ZFP82: variants seen among roughly 807,000 people sequenced by gnomAD.
ZFP82 encodes zinc finger protein 82 homolog.
ZFP82 carries 30 observed loss-of-function variants against 54.0 expected under a neutral mutation model. The ratio of observed to expected loss-of-function variants is 0.56; its 90% confidence interval spans 0.42 to 0.75. The LOEUF (loss-of-function observed/expected upper bound fraction) is 0.75, where lower values mean the gene tolerates loss of function less well. Ranked by LOEUF, ZFP82 falls within the 30% of genes least tolerant of loss-of-function variation. ZFP82 has a pLI of 0.00. For missense variants in ZFP82, 500 were observed against 636.8 expected, an observed-to-expected ratio of 0.79 and a Z score of 2.31; for synonymous variants, 194 against 209.5, an observed-to-expected ratio of 0.93 and a Z score of 0.64.
chr19:36,401,330 C>A (rs1189936645), intron 4 of ZFP82, among the ~76,000 whole-genome samples: 1 of 152,194 alleles, frequency 6.6e-6, no homozygotes, highest in East Asian at 1.9e-4. Flanking sequence ...AGATAATAAT[C>A]ATCACAAACT....
Position 36,414,598 on chromosome 19 carries a change from G to A in ZFP82, c.-79+3894C>T, listed in dbSNP as rs375308439. On this transcript the variant is annotated intron_variant, in intron 1 of 4. Transcript: ENST00000392161. ...AGGATGGTCTCGATCTCCTGACCTC[G>A]TGATCTGCCTGCCTCGGCCTCCCAA... 4.6e-5 allele frequency among the ~76,000 whole-genome samples: 7 copies of A among 151,740 alleles called. No homozygotes were observed. The South Asian group carries it at 6.3e-4, about 14-fold the overall frequency.
At chr19:36,388,335 A>G (rs903204116), downstream of ZFP82, among the ~76,000 whole-genome samples, 2 of 152,140 alleles carry the variant, frequency 1.3e-5, no homozygotes, top group Non-Finnish European at 2.9e-5. Flanking sequence ...TTTGCCTTAT[A>G]TAACGATCTA....
chr19:36,394,808 A>C (rs1325319526), intron 4 of ZFP82: 4 of 152,160 alleles, frequency 2.6e-5, no homozygotes, highest in Non-Finnish European at 5.9e-5. Context: ...CCATGTTGCT[A>C]TTCTCTATTC....
At chr19:36,413,993 C>T (rs1303426416) in intron 1 of ZFP82, among the ~76,000 whole-genome samples, 6 of 151,854 alleles carry the variant, frequency 4.0e-5, no homozygotes, top group South Asian at 4.2e-4. Flanking sequence ...TTCCACCTCC[C>T]GGGTTCAGGC....
In ZFP82 at chr19:36,394,009, C is replaced by T. The variant is rs779462448; in HGVS notation, c.331G>A (p.Gly111Ser). The change falls in exon 5 of 5, where the codon GGC (glycine) becomes AGC (serine). Residue 111 changes from glycine to serine, a missense_variant. By Grantham distance (56) the Gly-to-Ser change is moderately conservative. Transcript: ENST00000392161. ...WKIMERIENH[G>S]LKGLILKNDW... ...TTTTTTAAAATGAGACCCTTAAGGC[C>T]ATGGTTTTCAATTCTTTCCATTATC... 14 of 1,611,594 alleles carry T rather than the reference C, an allele frequency of 8.7e-6. No homozygotes were observed. The highest frequency in any genetic ancestry group is 5.9e-6 in the Non-Finnish European group (7 of 1,179,488).
At chr19:36,409,739 A>G (rs951203860) in intron 2 of ZFP82, 42 bp downstream of exon 2, 19 of 1,610,804 alleles carry the variant, frequency 1.2e-5, no homozygotes, top group Non-Finnish European at 1.6e-5. Flanking sequence ...TGGTCACAGA[A>G]CCTTAACATG....
intron 4 of ZFP82, among the ~76,000 whole-genome samples, chr19:36,397,209 C>T (rs1483279498): frequency 1.3e-5 from 2 of 151,482 alleles, no homozygotes; most frequent in Non-Finnish European, 2.9e-5. Flanking sequence ...CCTCCTGCCT[C>T]AGCCTCCTGA....
downstream of ZFP82, among the ~76,000 whole-genome samples, chr19:36,386,665 C>T (rs112878726): frequency 7.0e-4 from 106 of 152,240 alleles, 1 homozygote; most frequent in Non-Finnish European, 1.4e-3. Flanking sequence ...TGGCTGGGTG[C>T]GCTGGCTCAC....
At chr19:36,397,504 A>G (rs1391959111) in intron 4 of ZFP82, among the ~76,000 whole-genome samples, 1 of 152,186 alleles carries the variant, frequency 6.6e-6, no homozygotes, top group Non-Finnish European at 1.5e-5. Flanking sequence ...GATCATGAAT[A>G]CAGAGGACAG....
rs183613612 is a variant in ZFP82 at position 36,406,103 on chromosome 19, T to C, written c.137-431A>G. On this transcript the variant is annotated intron_variant, in intron 3 of 4. Transcript: ENST00000392161. Reference sequence around the variant, plus strand: ...GTATCTAAACATTGCCTAGAGTATATACCAAACACTATTTATATTTCATTA... The same window carrying C: ...GTATCTAAACATTGCCTAGAGTATACACCAAACACTATTTATATTTCATTA... Among the ~76,000 whole-genome samples the C allele has an allele frequency of 1.7e-3, 264 of 152,324 alleles. 6 individuals carry two copies. Among genetic ancestry groups the C allele is most frequent in the Non-Finnish European group, 3.1e-4 (21 of 68,018 alleles).
Position 36,413,994 on chromosome 19 carries a change from G to A in ZFP82, c.-78-4127C>T, listed in dbSNP as rs569349612. On this transcript the variant is annotated intron_variant, in intron 1 of 4. Transcript: ENST00000392161. ...CGGCTCACTGCAAGTTCCACCTCCC[G>A]GGTTCAGGCCAATCGTCTGCCTCAG... 7.2e-4 allele frequency among the ~76,000 whole-genome samples: 108 copies of A among 150,208 alleles called. 2 individuals carry two copies. The highest frequency in any genetic ancestry group is 4.3e-3 in the Admixed American group (64 of 14,880).
chr19:36,388,559 AC>A (rs1174556991), downstream of ZFP82, among the ~76,000 whole-genome samples: 1 of 152,112 alleles, frequency 6.6e-6, no homozygotes, highest in African/African-American at 2.4e-5. Flanking sequence ...TAATACTGAA[AC>A]ATTGAAATAT....
At chr19:36,405,070 G>A (rs1056937509) in intron 4 of ZFP82, among the ~76,000 whole-genome samples, 7 of 151,798 alleles carry the variant, frequency 4.6e-5, no homozygotes, top group African/African-American at 1.7e-4. Flanking sequence ...CGTAAACCCA[G>A]CTACTCAGAA....
chr19:36,392,849 C>CA lies in ZFP82; in HGVS notation c.1490dup (p.Arg498GlufsTer6). The CA allele has an allele frequency of 6.2e-7, 1 of 1,613,530 alleles. No homozygotes were observed. Among genetic ancestry groups the CA allele is most frequent in the East Asian group, 2.2e-5 (1 of 44,864 alleles). The stretch of plus-strand genomic sequence containing the variant: ...AGGGTTTCTCACCAGAATGAATTCT[C>CA]AGATGTTGAATAAGGGATGAATTAA... On this transcript the variant is annotated frameshift_variant, in exon 5 of 5. Transcript: ENST00000392161. LOFTEE classifies it high-confidence loss of function.
At chr19:36,405,543 T>C (rs746053165) in intron 4 of ZFP82, 37 bp downstream of exon 4, 4 of 1,502,522 alleles carry the variant, frequency 2.7e-6, no homozygotes, top group Non-Finnish European at 3.7e-6. Context: ...TGGGGTTCCC[T>C]GTGTTGATGG....
In ZFP82 at chr19:36,389,447, C is replaced by G. The variant is rs1156804604; in HGVS notation, c.*3294G>C. 6.6e-6 allele frequency among the ~76,000 whole-genome samples: 1 copy of G among 152,156 alleles called. No homozygotes were observed. Among genetic ancestry groups the G allele is most frequent in the Non-Finnish European group, 1.5e-5 (1 of 68,028 alleles). ...TGTGTACCTAATGATCCAGATTAAA[C>G]ATTTACCAACATTTTGCTAATCTTG... On this transcript the variant is annotated 3_prime_UTR_variant, in exon 5 of 5. Coordinates refer to ENST00000392161, the MANE Select transcript of ZFP82 (RefSeq NM_133466.4).
chr19:36,402,064 T>A (rs2032393657), intron 4 of ZFP82, among the ~76,000 whole-genome samples: 1 of 152,268 alleles, frequency 6.6e-6, no homozygotes, highest in African/African-American at 2.4e-5. Flanking sequence ...CTATTTTGGC[T>A]AAATGCTTCC....
At chr19:36,397,406 T>C (rs2032314738) in intron 4 of ZFP82, among the ~76,000 whole-genome samples, 1 of 151,766 alleles carries the variant, frequency 6.6e-6, no homozygotes, top group African/African-American at 2.4e-5. Flanking sequence ...TAAACCAATT[T>C]TTTAATCAAC....
chr19:36,405,249 G>A (rs1334210813), intron 4 of ZFP82, among the ~76,000 whole-genome samples: 2 of 150,388 alleles, frequency 1.3e-5, no homozygotes, highest in Non-Finnish European at 3.0e-5. Flanking sequence ...TACAATGGTT[G>A]TCAACAGTGA....
Sources: allele counts gnomAD v4.1 joint callset (sites outside exome capture counted in the v4.1 genomes callset), GRCh38; gene constraint gnomAD v4.1.1; transcripts MANE v1.5; gene names NCBI Gene and HGNC (gene_info 2026-07-23, HGNC 2026-07-21).